Variants in ST3GAL3 observed in about 807,000 individuals in gnomAD.
ST3GAL3 encodes ST3 beta-galactoside alpha-2,3-sialyltransferase 3.
A neutral mutation model predicts 50.1 loss-of-function variants in ST3GAL3; 21 were observed. That is an observed-to-expected ratio of 0.42 (90% CI 0.30 to 0.60). The LOEUF is 0.60. Ranked by LOEUF, ST3GAL3 falls within the 20% of genes least tolerant of loss-of-function variation. The probability of loss-of-function intolerance (pLI) is 0.19; values close to 1 mark genes in which losing one functional copy is unlikely to be tolerated. For missense variants in ST3GAL3, 353 were observed against 489.4 expected (o/e 0.72, Z 2.63); for synonymous variants, 183 against 190.0 (o/e 0.96, Z 0.30).
In ST3GAL3 at chr1:43,930,287, C is replaced by G. The variant is rs369022481; in HGVS notation, c.*66C>G. ...GGAGCAGCAGCCAGCACCACCTACA[C>G]AGGAGTCTTCAGACCCAGAGAAGGA... On this transcript the variant is annotated 3_prime_UTR_variant, in exon 12 of 12. Transcript: ENST00000347631. 1.3e-5 allele frequency: 19 copies of G among 1,460,238 alleles called. No individual in the cohort carries two copies. In the African/African-American group the frequency reaches 2.6e-4, roughly 20 times the overall value. 90.5% of individuals were successfully genotyped at this position (1,460,238 alleles called of 1,614,324 possible). A position where few individuals can be genotyped will look rare whatever the true frequency, so the allele number is the denominator to read the frequency against.
chr1:43,786,750 G>A (rs2057391687), intron 2 of ST3GAL3, among the ~76,000 whole-genome samples: 2 of 152,020 alleles, frequency 1.3e-5, no homozygotes, highest in African/African-American at 4.8e-5. Flanking sequence ...CTAGTGTGTC[G>A]TAGTTTCTCA....
intron 9 of ST3GAL3, among the ~76,000 whole-genome samples, chr1:43,902,680 C>T (rs3791106): frequency 0.043 from 6,596 of 152,266 alleles, 173 homozygotes; most frequent in East Asian, 0.12. Context: ...AGAGCACCAG[C>T]GGATGGGCAA....
intron 5 of ST3GAL3, among the ~76,000 whole-genome samples, chr1:43,872,183 GT>G (rs2073088909): frequency 9.4e-6 from 1 of 106,920 alleles, no homozygotes. Context: ...AGGCTGGGGT[GT>G]GAGGGACAGG....
chr1:43,834,830 G>C (rs1451420860), intron 4 of ST3GAL3, among the ~76,000 whole-genome samples: 1 of 152,184 alleles, frequency 6.6e-6, no homozygotes, highest in Non-Finnish European at 1.5e-5. Context: ...GGTTTCCACT[G>C]CACATGGGGA....
At chr1:43,810,573 T>C (rs1198304995) in intron 3 of ST3GAL3, among the ~76,000 whole-genome samples, 2 of 152,180 alleles carry the variant, frequency 1.3e-5, no homozygotes, top group African/African-American at 2.4e-5. Context: ...GGGACTTTAT[T>C]TGTTCAGGAC....
At chr1:43,896,903 A>T (rs1273990101) in intron 6 of ST3GAL3, 2 of 152,152 alleles carry the variant, frequency 1.3e-5, no homozygotes, top group African/African-American at 2.4e-5. Flanking sequence ...TACCGCTCTT[A>T]CATGTCTTTA....
chr1:43,770,748 C>T (rs993344728), intron 2 of ST3GAL3, among the ~76,000 whole-genome samples: 2 of 152,102 alleles, frequency 1.3e-5, no homozygotes, highest in African/African-American at 2.4e-5. Context: ...AAAATCTTGC[C>T]TTGCTTCTTA....
intron 9 of ST3GAL3, among the ~76,000 whole-genome samples, chr1:43,902,826 C>T (rs1166966994): frequency 2.6e-5 from 4 of 152,142 alleles, no homozygotes; most frequent in Non-Finnish European, 5.9e-5. Context: ...ATCAGCTGTC[C>T]ATGAGGTATT....
chr1:43,753,320 C>T (rs1424182826), intron 2 of ST3GAL3, among the ~76,000 whole-genome samples: 1 of 152,150 alleles, frequency 6.6e-6, no homozygotes, highest in East Asian at 1.9e-4. Context: ...CAGTAAAGTG[C>T]TATTTTTGGT....
chr1:43,798,535 G>A (rs948685917), intron 3 of ST3GAL3, among the ~76,000 whole-genome samples: 15 of 152,104 alleles, frequency 9.9e-5, no homozygotes, highest in African/African-American at 3.6e-4. Context: ...GGGTCTTTGT[G>A]CTTGCTGTTC....
intron 3 of ST3GAL3, among the ~76,000 whole-genome samples, chr1:43,804,546 G>A (rs988827062): frequency 6.6e-6 from 1 of 152,184 alleles, no homozygotes. Flanking sequence ...GGAAGTCTTT[G>A]TGGAGAGGGT....
At chr1:43,858,177 A>G (rs1403637493) in intron 5 of ST3GAL3, 6 of 1,289,438 alleles carry the variant, frequency 4.7e-6, no homozygotes, top group Admixed American at 4.6e-5. Flanking sequence ...ATATCCAGGC[A>G]TATGTGCTCC....
At chr1:43,722,768 T>C (rs982094238) in intron 1 of ST3GAL3, among the ~76,000 whole-genome samples, 1 of 152,152 alleles carries the variant, frequency 6.6e-6, no homozygotes, top group African/African-American at 2.4e-5. Flanking sequence ...AGGGTTGACT[T>C]TGATTGAGAT....
intron 5 of ST3GAL3, among the ~76,000 whole-genome samples, chr1:43,876,160 C>G (rs1045528658): frequency 1.3e-5 from 2 of 151,938 alleles, no homozygotes; most frequent in African/African-American, 2.4e-5. Context: ...GACAGGGTTT[C>G]GCCATGTTGC....
intron 2 of ST3GAL3, among the ~76,000 whole-genome samples, chr1:43,746,685 A>T (rs561804946): frequency 6.6e-6 from 1 of 151,476 alleles, no homozygotes; most frequent in Non-Finnish European, 1.5e-5. Flanking sequence ...GATGGTCTCA[A>T]TCTCCTGACC....
intron 11 of ST3GAL3, 101 bp downstream of exon 11, chr1:43,921,029 A>C: frequency 7.1e-7 from 1 of 1,399,676 alleles, no homozygotes; most frequent in Non-Finnish European, 9.8e-7. Context: ...GGCTGCCCAG[A>C]ACTCCCCAGA....
At chr1:43,799,280 G>GA (rs1432214728) in intron 3 of ST3GAL3, among the ~76,000 whole-genome samples, 7 of 152,266 alleles carry the variant, frequency 4.6e-5, no homozygotes, top group Admixed American at 2.0e-4. Flanking sequence ...TAATAACTGG[G>GA]AAAAAATTAA....
chr1:43,906,069 C>CCCTCCT (rs2079533846), intron 9 of ST3GAL3, among the ~76,000 whole-genome samples: 1 of 107,794 alleles, frequency 9.3e-6, no homozygotes, highest in Non-Finnish European at 1.9e-5. Context: ...CTCTTCCTGC[C>CCCTCCT]ACTTTTCCTC....
At chr1:43,904,918 CCCGCCACTCTTCCTCCCCTTCCTCCTTT>C (rs2078969012) in intron 9 of ST3GAL3, among the ~76,000 whole-genome samples, 2 of 7,182 alleles carry the variant, frequency 2.8e-4, no homozygotes, top group Non-Finnish European at 2.9e-4. Context: ...TGCTCCTCTT[CCCGCCACTCTTCCTCCCCTTCCTCCTTT>C]CTGCCACTCT....
Sources: allele counts gnomAD v4.1 joint callset (sites outside exome capture counted in the v4.1 genomes callset), GRCh38; gene constraint gnomAD v4.1.1; transcripts MANE v1.5; gene names NCBI Gene and HGNC (gene_info 2026-07-23, HGNC 2026-07-21).